The following MAP3K5 variants were observed in gnomAD, a reference collection of about 807,000 sequenced individuals.
MAP3K5 encodes mitogen-activated protein kinase kinase kinase 5.
In MAP3K5, 56 loss-of-function variants were observed where a neutral mutation model predicts 158.7. The observed-to-expected ratio is 0.35, with a 90% CI of 0.28 to 0.44. The LOEUF is 0.44. MAP3K5 is among the 20% of genes least tolerant of loss of function. The probability of loss-of-function intolerance (pLI) is 1.00; values close to 1 mark genes in which losing one functional copy is unlikely to be tolerated. For synonymous variants in MAP3K5, 579 were observed against 601.7 expected, an observed-to-expected ratio of 0.96 and a Z score of 0.55; for missense variants, 1,294 against 1,674.8, an observed-to-expected ratio of 0.77 and a Z score of 3.97.
intron 3 of MAP3K5, among the ~76,000 whole-genome samples, chr6:136,702,944 C>T (rs930742102): frequency 2.6e-5 from 4 of 152,194 alleles, no homozygotes; most frequent in African/African-American, 9.7e-5. Context: ...GATCCTCCCG[C>T]CTCAGCCTCC....
At chr6:136,607,391 T>C (rs563659332) in intron 18 of MAP3K5, among the ~76,000 whole-genome samples, 3 of 152,188 alleles carry the variant, frequency 2.0e-5, no homozygotes, top group Admixed American at 6.5e-5. Flanking sequence ...CCAATTGTGT[T>C]TAATTATCCC....
At chr6:136,656,910 C>A (rs578025070) in intron 9 of MAP3K5, among the ~76,000 whole-genome samples, 1 of 152,338 alleles carries the variant, frequency 6.6e-6, no homozygotes, top group Admixed American at 6.5e-5. Flanking sequence ...GTGTGAGCCA[C>A]CACGCCCAGC....
At chr6:136,635,827 G>A (rs993476140) in intron 14 of MAP3K5, among the ~76,000 whole-genome samples, 2 of 151,276 alleles carry the variant, frequency 1.3e-5, no homozygotes, top group Non-Finnish European at 2.9e-5. Flanking sequence ...AGGCTACAAT[G>A]AGCTGTGATT....
chr6:136,639,846 T>G (rs896269820), intron 12 of MAP3K5, among the ~76,000 whole-genome samples: 9 of 152,230 alleles, frequency 5.9e-5, no homozygotes. Flanking sequence ...CCTCCTCATC[T>G]CTGCAGAGCA....
Position 136,613,107 on chromosome 6 carries a change from TG to T in MAP3K5, c.2415+12del. The T allele has an allele frequency of 6.3e-7, 1 of 1,588,486 alleles. No individual in the cohort carries two copies. The highest frequency in any genetic ancestry group is 8.6e-7 in the Non-Finnish European group (1 of 1,169,158). On this transcript the variant is annotated intron_variant, in intron 17 of 29. Coordinates refer to ENST00000359015, the MANE Select transcript of MAP3K5 (RefSeq NM_005923.4). The surrounding 1 kb of genome is among the most constrained non-coding windows in gnomAD (Gnocchi z 4.0). Reference sequence around the variant, plus strand: ...AGAAAGAACTCATGAAAATGAATGCTGGTGTACCTCACCTTTATGTCCCGGT... The same window carrying T: ...AGAAAGAACTCATGAAAATGAATGCTGTGTACCTCACCTTTATGTCCCGGT...
At chr6:136,757,256 G>A (rs1316047302) in intron 1 of MAP3K5, among the ~76,000 whole-genome samples, 3 of 152,294 alleles carry the variant, frequency 2.0e-5, no homozygotes, top group East Asian at 1.9e-4. Flanking sequence ...GACTTTTCAA[G>A]AAAATAAGTT....
rs181152286 is a variant in MAP3K5, at chr6:136,605,415, G to C, written c.2522-49C>G. On this transcript the variant is annotated intron_variant, in intron 18 of 29. Transcript: ENST00000359015. Reference sequence around the variant, plus strand: ...CCATTTTAAAAAGATAAAACAGAAGGGTATCTAATGACAGTTTTTCAACAG... The same window carrying C: ...CCATTTTAAAAAGATAAAACAGAAGCGTATCTAATGACAGTTTTTCAACAG... 2.0e-5 allele frequency: 29 copies of C among 1,480,550 alleles called. No individual in the cohort carries two copies. In the East Asian group the frequency reaches 6.8e-4, roughly 35 times the overall value. The allele number at this position is 1,480,550 out of a possible 1,614,324, so 91.7% of individuals were successfully genotyped here.
At chr6:136,752,497 C>T (rs1464855214) in intron 1 of MAP3K5, among the ~76,000 whole-genome samples, 1 of 152,184 alleles carries the variant, frequency 6.6e-6, no homozygotes, top group Admixed American at 6.5e-5. Flanking sequence ...CTGCAACCTC[C>T]ACCTCCTGGG....
intron 25 of MAP3K5, among the ~76,000 whole-genome samples, chr6:136,574,036 T>C (rs1162621203): frequency 6.6e-6 from 1 of 152,088 alleles, no homozygotes; most frequent in Admixed American, 6.6e-5. Context: ...GTTCAAGTGA[T>C]TCTTCTGCTT....
chr6:136,751,041 T>A (rs1044578394), intron 1 of MAP3K5, among the ~76,000 whole-genome samples: 1 of 152,188 alleles, frequency 6.6e-6, no homozygotes, highest in Admixed American at 6.5e-5. Flanking sequence ...GAGTTGTTTT[T>A]TTCCCCACTT....
chr6:136,753,238 T>A (rs553458746), intron 1 of MAP3K5, among the ~76,000 whole-genome samples: 6 of 152,354 alleles, frequency 3.9e-5, no homozygotes, highest in African/African-American at 1.4e-4. Context: ...TTTAAATACA[T>A]CTGAGTTGTC....
chr6:136,736,327 A>C (rs1170521002), intron 1 of MAP3K5, among the ~76,000 whole-genome samples: 1 of 152,186 alleles, frequency 6.6e-6, no homozygotes, highest in Non-Finnish European at 1.5e-5. Context: ...GACACCTAAT[A>C]ATTTCATCTA....
At chr6:136,767,290 G>A (rs1420975741) in intron 1 of MAP3K5, among the ~76,000 whole-genome samples, 1 of 151,756 alleles carries the variant, frequency 6.6e-6, no homozygotes, top group African/African-American at 2.4e-5. Context: ...ATAAAGGAGG[G>A]AAGGAGCAAA....
In MAP3K5 at chr6:136,676,756, A is replaced by G. The variant is rs201815766; in HGVS notation, c.1254-7361T>C. On this transcript the variant is annotated intron_variant, in intron 7 of 29. Transcript: ENST00000359015. ...CTAATTTCTTTGTGTTAACTTTCAT[A>G]TGTATTTTATCATTTTGTTAATTTT... 3.5e-5 allele frequency among the ~76,000 whole-genome samples: 5 copies of G among 143,960 alleles called. No individual in the cohort carries two copies. The East Asian group carries it at 8.2e-4, about 24-fold the overall frequency. The allele number at this position is 143,960 out of a possible 152,430, so 94.4% of individuals were successfully genotyped here.
chr6:136,782,501 G>C (rs1031692010), intron 1 of MAP3K5, among the ~76,000 whole-genome samples: 3 of 152,052 alleles, frequency 2.0e-5, no homozygotes, highest in African/African-American at 7.2e-5. Context: ...TACAAGTATT[G>C]GAAAGTACTG....
intron 1 of MAP3K5, among the ~76,000 whole-genome samples, chr6:136,726,170 G>A (rs530997110): frequency 2.8e-4 from 42 of 152,214 alleles, no homozygotes; most frequent in African/African-American, 9.4e-4. Context: ...GCTTTCCTAC[G>A]TAAATTTGAG....
At chr6:136,704,443 CA>C (rs1291063959) in intron 3 of MAP3K5, among the ~76,000 whole-genome samples, 2 of 152,170 alleles carry the variant, frequency 1.3e-5, no homozygotes, top group South Asian at 2.1e-4. Flanking sequence ...ACTATAGACA[CA>C]TATACATACA....
At position 136,726,054 on chromosome 6, in the gene MAP3K5, G is replaced by A. The variant is rs373454419; in HGVS notation, c.449-5465C>T. 1.4e-4 allele frequency among the ~76,000 whole-genome samples: 21 copies of A among 152,266 alleles called. 1 individual carries two copies. The East Asian group carries it at 3.9e-3, about 28-fold the overall frequency. On this transcript the variant is annotated intron_variant, in intron 1 of 29. Transcript: ENST00000359015. ...TGTCAACACAACAATTGTTTGGACT[G>A]CTGCAGCTTTAAGGTAGCTACTAAA... is the stretch of plus-strand genomic sequence containing the variant.
chr6:136,722,859 T>A (rs1055312347), intron 1 of MAP3K5, among the ~76,000 whole-genome samples: 3 of 151,838 alleles, frequency 2.0e-5, no homozygotes, highest in Non-Finnish European at 2.9e-5. Flanking sequence ...GCTAATTTTT[T>A]AAAATTTTTT....
Sources: allele counts gnomAD v4.1 joint callset (sites outside exome capture counted in the v4.1 genomes callset), GRCh38; gene constraint gnomAD v4.1.1; non-coding constraint Gnocchi (gnomAD v3.1); transcripts MANE v1.5; gene names NCBI Gene and HGNC (gene_info 2026-07-23, HGNC 2026-07-21).